Variants in N4BP2 observed in about 807,000 individuals in gnomAD.
The protein encoded by N4BP2 is NEDD4-binding protein 2.
N4BP2 carries 91 observed loss-of-function variants against 152.8 expected under a neutral mutation model. The ratio of observed to expected loss-of-function variants is 0.60; its 90% CI spans 0.50 to 0.71. The LOEUF is 0.71. Among genes scored for constraint, N4BP2 ranks in the 30% least tolerant of loss-of-function variants. N4BP2 has a pLI of 0.00. For missense variants in N4BP2, 1,923 were observed against 2,059.1 expected (o/e 0.93, Z 1.28); for synonymous variants, 646 against 705.3 (o/e 0.92, Z 1.33).
At chr4:40,066,174 C>T (rs553290151) in intron 1 of N4BP2, among the ~76,000 whole-genome samples, 4 of 152,146 alleles carry the variant, frequency 2.6e-5, no homozygotes, top group Non-Finnish European at 4.4e-5. Flanking sequence ...TGTGATCCAC[C>T]TGCCTCAGCC....
intron 2 of N4BP2, among the ~76,000 whole-genome samples, chr4:40,090,606 GA>G (rs1029654982): frequency 6.6e-6 from 1 of 151,946 alleles, no homozygotes; most frequent in Non-Finnish European, 1.5e-5. Flanking sequence ...TGTTGATGAG[GA>G]AAAAAATTGG....
At chr4:40,177,579 G>C in the N4BP2 span, among the ~76,000 whole-genome samples, 1 of 152,050 alleles carries the variant, frequency 6.6e-6, no homozygotes, top group African/African-American at 2.4e-5. Context: ...TCAAGCCACT[G>C]TACTCCAGCC....
chr4:40,144,534 C>A, intron 15 of N4BP2, 98 bp from the exon 16 acceptor site: 1 of 949,448 alleles, frequency 1.1e-6, no homozygotes. Context: ...TTATTATTCC[C>A]TTTTTCCCCC....
chr4:40,166,749 G>A, the N4BP2 span: 1 of 151,896 alleles, frequency 6.6e-6, no homozygotes, highest in East Asian at 1.9e-4. Context: ...TTAAAATTTT[G>A]TGGGTACATT....
intron 2 of N4BP2, chr4:40,083,067 C>A: frequency 4.3e-6 from 1 of 235,246 alleles, no homozygotes; most frequent in Non-Finnish European, 8.7e-6. Flanking sequence ...ATACTTCAGC[C>A]CACGCCCTGT....
chr4:40,079,834 C>T (rs1452561319), intron 2 of N4BP2, among the ~76,000 whole-genome samples: 1 of 151,974 alleles, frequency 6.6e-6, no homozygotes, highest in Non-Finnish European at 1.5e-5. Context: ...TTGATAAGAC[C>T]TCTGCTTACC....
intron 5 of N4BP2, among the ~76,000 whole-genome samples, chr4:40,109,753 C>T (rs1161230713): frequency 6.6e-6 from 1 of 151,754 alleles, no homozygotes; most frequent in Non-Finnish European, 1.5e-5. Context: ...TTCAGCATGC[C>T]CTTATAACAG....
At chr4:40,135,440 T>C (rs1298375581) in intron 13 of N4BP2, among the ~76,000 whole-genome samples, 4 of 152,032 alleles carry the variant, frequency 2.6e-5, no homozygotes, top group Non-Finnish European at 4.4e-5. Flanking sequence ...GCAGCATGAT[T>C]TATAGTCCTT....
the N4BP2 span, among the ~76,000 whole-genome samples, chr4:40,172,631 G>A: frequency 6.6e-6 from 1 of 152,314 alleles, no homozygotes; most frequent in Admixed American, 6.5e-5. Flanking sequence ...GAAGGCACTA[G>A]CCCTGCTGAC....
Position 40,155,013 on chromosome 4 carries a change from CTAAA to C in N4BP2, c.*779_*782del, listed in dbSNP as rs2109295533. 1 of 152,334 alleles carries C rather than the reference CTAAA, an allele frequency of 6.6e-6. No homozygotes were observed. The highest frequency in any genetic ancestry group is 1.9e-4 in the East Asian group (1 of 5,194). The allele number at this position is 152,334 out of a possible 1,614,324, so 9.4% of individuals were successfully genotyped here. On this transcript the variant is annotated 3_prime_UTR_variant, in exon 18 of 18. Transcript: ENST00000261435. The stretch of plus-strand genomic sequence containing the variant: ...TGTATAAGTCGTATTTCAGACAGTA[CTAAA>C]TACTTATATTTTATTTTTGAGGCAT...
At chr4:40,188,939 G>A in the N4BP2 span, among the ~76,000 whole-genome samples, 5 of 151,994 alleles carry the variant, frequency 3.3e-5, no homozygotes, top group East Asian at 9.7e-4. Context: ...GAGGTCAGGA[G>A]TTTGAGACCA....
chr4:40,148,024 G>C lies in N4BP2; in HGVS notation c.5143+3224G>C, dbSNP rs1474217092. On this transcript the variant is annotated intron_variant, in intron 16 of 17. Transcript: ENST00000261435. ...CCCAGACTGGGCAGCCAGGCAGAGG[G>C]GCTCCTCACATCCCAGACGGGGTGG... is the stretch of plus-strand genomic sequence containing the variant. 2.0e-5 allele frequency among the ~76,000 whole-genome samples: 3 copies of C among 149,264 alleles called. No individual in the cohort carries two copies. The South Asian group carries it at 6.4e-4, about 32-fold the overall frequency.
chr4:40,175,032 G>A, the N4BP2 span, among the ~76,000 whole-genome samples: 8 of 152,116 alleles, frequency 5.3e-5, no homozygotes, highest in Admixed American at 3.9e-4. Context: ...GTTTTGTTTT[G>A]TTTTTTCAAA....
chr4:40,121,838 T>C lies in N4BP2; in HGVS notation c.3727T>C (p.Leu1243=). The C allele has an allele frequency of 6.2e-7, 1 of 1,614,084 alleles. No homozygotes were observed. The highest frequency in any genetic ancestry group is 1.1e-5 in the South Asian group (1 of 91,068). Residue 1243 remains leucine, a synonymous_variant, in exon 9 of 18, where the codon TTA becomes CTA. Transcript: ENST00000261435. ...ACTTCCTAACAGCCAGGAAGAACTT[T>C]TATATAGCAGTAAGCAGTCCTTTCC... The part of the protein sequence containing the change: ...DILPNSQEEL[L]YSSKQSFPGI...
intron 2 of N4BP2, among the ~76,000 whole-genome samples, chr4:40,074,907 T>G (rs1712572433): frequency 6.6e-6 from 1 of 151,874 alleles, no homozygotes. Flanking sequence ...CTTGGGAGGC[T>G]GAGACATGAG....
the N4BP2 span, among the ~76,000 whole-genome samples, chr4:40,172,311 G>A: frequency 6.6e-6 from 1 of 152,294 alleles, no homozygotes; most frequent in East Asian, 1.9e-4. Flanking sequence ...GATTGAGGGT[G>A]AGTCTGCCTT....
At position 40,122,069 on chromosome 4, in the gene N4BP2, G is replaced by T; in HGVS notation, c.3958G>T (p.Asp1320Tyr). Residue 1320 changes from aspartate to tyrosine, a missense_variant, in exon 9 of 18, where the codon GAT becomes TAT. Coordinates refer to ENST00000261435, the MANE Select transcript of N4BP2 (RefSeq NM_018177.6). The part of the protein sequence containing the change: ...EIKRNENFPK[D>Y]YVKFSDEEEF... ...AAAGAGAAATGAAAATTTTCCAAAGGATTATGTGAAATTTTCAGATGAAGA... is the reference window on the plus strand; with the variant it reads ...AAAGAGAAATGAAAATTTTCCAAAGTATTATGTGAAATTTTCAGATGAAGA... 5 of 1,560,440 alleles carry T rather than the reference G, an allele frequency of 3.2e-6. No homozygotes were observed. The highest frequency in any genetic ancestry group is 4.3e-6 in the Non-Finnish European group (5 of 1,151,948).
At chr4:40,069,479 TTTTTC>T (rs1490209213) in intron 1 of N4BP2, among the ~76,000 whole-genome samples, 1 of 152,182 alleles carries the variant, frequency 6.6e-6, no homozygotes, top group Non-Finnish European at 1.5e-5. Flanking sequence ...CGTGGTTGAA[TTTTTC>T]TTTTTTCTTC....
At chr4:40,098,475 A>G (rs1346502476) in intron 3 of N4BP2, among the ~76,000 whole-genome samples, 2 of 152,200 alleles carry the variant, frequency 1.3e-5, no homozygotes, top group Non-Finnish European at 2.9e-5. Flanking sequence ...AGTTTATATA[A>G]GTTGGCTAGA....
Sources: allele counts gnomAD v4.1 joint callset (sites outside exome capture counted in the v4.1 genomes callset), GRCh38; gene constraint gnomAD v4.1.1; transcripts MANE v1.5; gene names NCBI Gene and HGNC (gene_info 2026-07-23, HGNC 2026-07-21).